The following CNTNAP2 variants were observed in gnomAD, a reference collection of about 807,000 sequenced individuals.
CNTNAP2 encodes the protein contactin associated protein 2, also known as contactin-associated protein-like 2.
In CNTNAP2, 98 loss-of-function variants were observed where a neutral mutation model predicts 155.2. The observed-to-expected ratio is 0.63, with a 90% confidence interval of 0.54 to 0.75. The LOEUF is 0.75. Among genes scored for constraint, CNTNAP2 ranks in the 30% least tolerant of loss-of-function variants. The pLI, the probability that CNTNAP2 is intolerant of heterozygous loss-of-function variation, is 0.00. For synonymous variants in CNTNAP2, 651 were observed against 631.2 expected (o/e 1.03, Z -0.47); for missense variants, 1,727 against 1,688.1 (o/e 1.02, Z -0.40).
intron 22 of CNTNAP2, among the ~76,000 whole-genome samples, chr7:148,400,170 G>T (rs1799551775): frequency 6.6e-6 from 1 of 152,202 alleles, no homozygotes; most frequent in African/African-American, 2.4e-5. Context: ...CTTTTTCAAG[G>T]CCGAAGAACC....
At chr7:148,320,729 G>C (rs1797778694) in intron 21 of CNTNAP2, among the ~76,000 whole-genome samples, 1 of 152,100 alleles carries the variant, frequency 6.6e-6, no homozygotes, top group East Asian at 1.9e-4. Context: ...ACCTGTGCTA[G>C]ACCCTGTGGT....
chr7:146,434,935 A>C (rs180747657), intron 1 of CNTNAP2, among the ~76,000 whole-genome samples: 1 of 152,206 alleles, frequency 6.6e-6, no homozygotes, highest in African/African-American at 2.4e-5. Context: ...GTGATACACA[A>C]ATCAAAAGTG....
At chr7:148,055,837 A>T (rs145389850) in intron 15 of CNTNAP2, among the ~76,000 whole-genome samples, 1 of 152,188 alleles carries the variant, frequency 6.6e-6, no homozygotes, top group Admixed American at 6.5e-5. Context: ...CTTCTTTTAA[A>T]TGAAGGAGGC....
At chr7:147,504,700 AAC>A (rs869232406) in intron 11 of CNTNAP2, among the ~76,000 whole-genome samples, 5,318 of 52,112 alleles carry the variant, frequency 0.1, 344 homozygotes, top group African/African-American at 0.21. Context: ...AAAAAAAAAA[AAC>A]AAAAAACCTC....
intron 1 of CNTNAP2, among the ~76,000 whole-genome samples, chr7:146,201,966 G>A (rs1041531991): frequency 3.0e-5 from 4 of 131,524 alleles, no homozygotes; most frequent in East Asian, 2.0e-4. Context: ...AAATCAAATC[G>A]ACAAAAAAGT....
chr7:147,894,518 C>A (rs1000293295), intron 13 of CNTNAP2, among the ~76,000 whole-genome samples: 19 of 152,136 alleles, frequency 1.2e-4, no homozygotes, highest in African/African-American at 4.6e-4. Context: ...GGTACCTGTT[C>A]TATTTCCTCA....
At chr7:147,976,038 C>T (rs1003115793) in intron 14 of CNTNAP2, among the ~76,000 whole-genome samples, 13 of 152,236 alleles carry the variant, frequency 8.5e-5, no homozygotes, top group East Asian at 1.9e-4. Context: ...TTTTAAATGG[C>T]TGTATTTCAA....
At chr7:146,362,184 C>T (rs984276718) in intron 1 of CNTNAP2, among the ~76,000 whole-genome samples, 4 of 152,084 alleles carry the variant, frequency 2.6e-5, no homozygotes, top group Non-Finnish European at 4.4e-5. Context: ...GTTATTTGCT[C>T]ATAATGTACA....
chr7:147,134,804 A>G (rs910794579), intron 8 of CNTNAP2, among the ~76,000 whole-genome samples: 1 of 151,918 alleles, frequency 6.6e-6, no homozygotes, highest in Non-Finnish European at 1.5e-5. Flanking sequence ...TATCTGTATC[A>G]CAGCTATTCT....
rs529299618 is a variant in CNTNAP2, at chr7:146,970,243, C to A, written c.403-73664C>A. Among the ~76,000 whole-genome samples the A allele has an allele frequency of 1.4e-3, 210 of 152,146 alleles. 3 individuals are homozygous for A. Among genetic ancestry groups the A allele is most frequent in the African/African-American group, 4.8e-3 (201 of 41,508 alleles). On this transcript the variant is annotated intron_variant, in intron 3 of 23. Coordinates refer to ENST00000361727, the MANE Select transcript of CNTNAP2 (RefSeq NM_014141.6). ...ATTAAACCAAAGAGCTTCTGCACAGCAAAAGAAACTACCATCAGAGTGAAC... is the reference window on the plus strand; with the variant it reads ...ATTAAACCAAAGAGCTTCTGCACAGAAAAAGAAACTACCATCAGAGTGAAC...
intron 18 of CNTNAP2, among the ~76,000 whole-genome samples, chr7:148,197,793 T>G (rs947345339): frequency 6.6e-6 from 1 of 152,142 alleles, no homozygotes; most frequent in African/African-American, 2.4e-5. Context: ...GAAACCAAAT[T>G]TAATGGAAAG....
chr7:147,954,415 A>G (rs1213123092), intron 14 of CNTNAP2, among the ~76,000 whole-genome samples: 1 of 151,968 alleles, frequency 6.6e-6, no homozygotes, highest in African/African-American at 2.4e-5. Context: ...CATTTAAACT[A>G]TAGTTTCACC....
Position 146,851,650 on chromosome 7 carries a change from C to CTGTGTG in CNTNAP2, c.402+11792_402+11797dup, listed in dbSNP as rs71165041. Among the ~76,000 whole-genome samples, 875 of 133,094 alleles carry CTGTGTG rather than the reference C, an allele frequency of 6.6e-3. 12 individuals carry two copies. Among genetic ancestry groups the CTGTGTG allele is most frequent in the East Asian group, 0.033 (140 of 4,234 alleles). The allele number at this position is 133,094 out of a possible 152,430, so 87.3% of individuals were successfully genotyped here. A position where few individuals can be genotyped will look rare whatever the true frequency, so the allele number is the denominator to read the frequency against. On this transcript the variant is annotated intron_variant, in intron 3 of 23. Coordinates refer to ENST00000361727, the MANE Select transcript of CNTNAP2 (RefSeq NM_014141.6). Reference sequence around the variant, plus strand: ...TGTGTTGCTTTATATCATCTTTCTTCTGTGTGTGTGTGTGTGTGTGTGTGT... The same window carrying CTGTGTG: ...TGTGTTGCTTTATATCATCTTTCTTCTGTGTGTGTGTGTGTGTGTGTGTGTGTGTGT...
intron 1 of CNTNAP2, among the ~76,000 whole-genome samples, chr7:146,389,945 C>T (rs1795516643): frequency 6.6e-6 from 1 of 152,012 alleles, no homozygotes. Flanking sequence ...AGGTGATCCT[C>T]CCACCTTGGC....
chr7:147,974,021 A>T (rs1801382748), intron 14 of CNTNAP2, among the ~76,000 whole-genome samples: 1 of 152,190 alleles, frequency 6.6e-6, no homozygotes, highest in Non-Finnish European at 1.5e-5. Context: ...CCCTGATGTT[A>T]ATCAGTTTTT....
At chr7:148,051,772 A>G (rs1019467208) in intron 15 of CNTNAP2, among the ~76,000 whole-genome samples, 14 of 152,374 alleles carry the variant, frequency 9.2e-5, no homozygotes, top group African/African-American at 3.4e-4. Context: ...ACAGACTTCA[A>G]TGTGCAAAGA....
intron 1 of CNTNAP2, among the ~76,000 whole-genome samples, chr7:146,262,326 A>C (rs1272941098): frequency 1.3e-5 from 2 of 152,096 alleles, no homozygotes; most frequent in African/African-American, 4.8e-5. Flanking sequence ...TGCCCCCCTC[A>C]ATTGCACGTT....
At chr7:146,353,779 T>G (rs993646281) in intron 1 of CNTNAP2, among the ~76,000 whole-genome samples, 1 of 151,982 alleles carries the variant, frequency 6.6e-6, no homozygotes, top group Non-Finnish European at 1.5e-5. Context: ...TAGGGCCTAT[T>G]AAAACAATAA....
chr7:146,778,660 C>T (rs1008463838), intron 2 of CNTNAP2, among the ~76,000 whole-genome samples: 3 of 152,190 alleles, frequency 2.0e-5, no homozygotes, highest in African/African-American at 7.2e-5. Context: ...ATATCCCTTA[C>T]CTTACTTTTA....
Sources: allele counts gnomAD v4.1 joint callset (sites outside exome capture counted in the v4.1 genomes callset), GRCh38; gene constraint gnomAD v4.1.1; transcripts MANE v1.5; gene names NCBI Gene and HGNC (gene_info 2026-07-23, HGNC 2026-07-21).